The following XPR1 variants were observed in gnomAD, a reference collection of about 807,000 sequenced individuals.
XPR1 encodes the protein solute carrier family 53 member 1.
A neutral mutation model predicts 87.5 loss-of-function variants in XPR1; 28 were observed. That is an observed-to-expected ratio of 0.32 (90% CI 0.24 to 0.44). The LOEUF (loss-of-function observed/expected upper bound fraction) is 0.44, where lower values mean the gene tolerates loss of function less well. XPR1 is among the 20% of genes least tolerant of loss of function. The probability of loss-of-function intolerance (pLI) is 1.00; values close to 1 mark genes in which losing one functional copy is unlikely to be tolerated. For synonymous variants in XPR1, 300 were observed against 306.1 expected (o/e 0.98, Z 0.21); for missense variants, 559 against 862.3 (o/e 0.65, Z 4.41).
At chr1:180,757,273 G>T (rs1273216002) in intron 2 of XPR1, among the ~76,000 whole-genome samples, 1 of 152,066 alleles carries the variant, frequency 6.6e-6, no homozygotes, top group Non-Finnish European at 1.5e-5. Flanking sequence ...TTTGGAAATG[G>T]GTATTTGGAA....
At chr1:180,745,952 A>G (rs1659074213) in intron 2 of XPR1, among the ~76,000 whole-genome samples, 1 of 152,156 alleles carries the variant, frequency 6.6e-6, no homozygotes, top group African/African-American at 2.4e-5. Context: ...TTTAGCTTAG[A>G]ACAACACAAA....
intron 2 of XPR1, among the ~76,000 whole-genome samples, chr1:180,717,322 A>G: frequency 6.6e-6 from 1 of 152,152 alleles, no homozygotes; most frequent in East Asian, 1.9e-4. Flanking sequence ...AGTTCTCTTA[A>G]TTGAATAGGA....
At chr1:180,671,991 TAAG>T (rs1656197505) in intron 1 of XPR1, among the ~76,000 whole-genome samples, 1 of 152,144 alleles carries the variant, frequency 6.6e-6, no homozygotes. Context: ...AATAAAGCCT[TAAG>T]AAGAAAATGA....
intron 1 of XPR1, 57 bp from the exon 2 acceptor site, chr1:180,682,303 C>T: frequency 7.3e-7 from 1 of 1,367,540 alleles, no homozygotes; most frequent in East Asian, 2.5e-5. Context: ...GCTTCAGATA[C>T]ATTCAGTATA....
chr1:180,771,138 T>C (rs1350978610), intron 2 of XPR1, among the ~76,000 whole-genome samples: 1 of 152,194 alleles, frequency 6.6e-6, no homozygotes, highest in Non-Finnish European at 1.5e-5. Flanking sequence ...GCATGGTGCC[T>C]GGCATATAGT....
intron 11 of XPR1, among the ~76,000 whole-genome samples, chr1:180,858,073 G>A (rs754463165): frequency 2.0e-5 from 3 of 151,998 alleles, no homozygotes; most frequent in Admixed American, 1.3e-4. Flanking sequence ...AAAATTAGCC[G>A]GGCGTGGTGG....
intron 10 of XPR1, among the ~76,000 whole-genome samples, chr1:180,835,794 G>A (rs1651265115): frequency 6.6e-6 from 1 of 152,082 alleles, no homozygotes; most frequent in African/African-American, 2.4e-5. Flanking sequence ...TGTGCTCTTG[G>A]GTGTCTTGTG....
intron 1 of XPR1, among the ~76,000 whole-genome samples, chr1:180,671,776 G>A (rs555204967): frequency 2.0e-5 from 3 of 152,262 alleles, no homozygotes; most frequent in South Asian, 2.1e-4. Context: ...GCCTCCCAAA[G>A]TGCTGGGATT....
intron 1 of XPR1, among the ~76,000 whole-genome samples, chr1:180,650,077 T>C (rs922007261): frequency 5.3e-5 from 8 of 152,300 alleles, no homozygotes; most frequent in African/African-American, 1.7e-4. Flanking sequence ...TTAAAACCTC[T>C]TATCTGCTGC....
chr1:180,796,285 T>G (rs1298845655), intron 3 of XPR1, among the ~76,000 whole-genome samples: 3 of 152,308 alleles, frequency 2.0e-5, no homozygotes, highest in African/African-American at 7.2e-5. Flanking sequence ...GGATACTTGG[T>G]GTCAAAAGCA....
intron 2 of XPR1, among the ~76,000 whole-genome samples, chr1:180,784,072 G>A (rs555522382): frequency 1.9e-4 from 29 of 151,858 alleles, no homozygotes; most frequent in African/African-American, 7.0e-4. Context: ...AACAAATGGT[G>A]AATGAATATC....
intron 1 of XPR1, among the ~76,000 whole-genome samples, chr1:180,660,145 T>C (rs938346731): frequency 6.6e-6 from 1 of 152,170 alleles, no homozygotes; most frequent in Admixed American, 6.5e-5. Context: ...TTTTCCATCT[T>C]ACTGGCATAT....
intron 13 of XPR1, among the ~76,000 whole-genome samples, chr1:180,876,347 CA>C (rs1192069106): frequency 6.6e-6 from 1 of 152,102 alleles, no homozygotes; most frequent in Non-Finnish European, 1.5e-5. Flanking sequence ...ATTCAAAAAT[CA>C]ATCAGGGCCA....
chr1:180,661,358 ATAAG>A lies in XPR1; in HGVS notation c.70-20997_70-20994del, dbSNP rs1163139784. On this transcript the variant is annotated intron_variant, in intron 1 of 14. Coordinates refer to ENST00000367590, the MANE Select transcript of XPR1 (RefSeq NM_004736.4). Reference sequence around the variant, plus strand: ...CCATTTATGTTCAGTATTATTACTGATAAGTAAGGACTTTTGCCATTTCGTTATT... The same window carrying A: ...CCATTTATGTTCAGTATTATTACTGATAAGGACTTTTGCCATTTCGTTATT... Among the ~76,000 whole-genome samples the A allele has an allele frequency of 2.6e-5, 4 of 152,086 alleles. No individual in the cohort carries two copies. In the East Asian group the frequency reaches 7.7e-4, roughly 29 times the overall value.
At chr1:180,875,391 C>A (rs1163073158) in intron 13 of XPR1, among the ~76,000 whole-genome samples, 1 of 151,736 alleles carries the variant, frequency 6.6e-6, no homozygotes, top group Non-Finnish European at 1.5e-5. Context: ...CGCCTGTAGT[C>A]CCAGGTACTC....
intron 2 of XPR1, among the ~76,000 whole-genome samples, chr1:180,786,695 A>G (rs1277544559): frequency 6.6e-6 from 1 of 152,168 alleles, no homozygotes; most frequent in Admixed American, 6.5e-5. Context: ...AAATATCTGG[A>G]TTTATAGCTT....
At chr1:180,682,333 T>C in intron 1 of XPR1, 27 bp from the exon 2 acceptor site, 1 of 1,556,716 alleles carries the variant, frequency 6.4e-7, no homozygotes, top group East Asian at 2.4e-5. Flanking sequence ...CATGATTTCA[T>C]ATATTGTTTT....
At chr1:180,732,586 A>G (rs6671456) in intron 2 of XPR1, among the ~76,000 whole-genome samples, 6,543 of 152,216 alleles carry the variant, frequency 0.043, 503 homozygotes, top group African/African-American at 0.15. Flanking sequence ...GGAGTGGCTC[A>G]CTTCTTCAGT....
chr1:180,736,158 A>G (rs746273259), intron 2 of XPR1, among the ~76,000 whole-genome samples: 8 of 152,230 alleles, frequency 5.3e-5, no homozygotes, highest in South Asian at 2.1e-4. Context: ...GCCTTACGAC[A>G]TTAATGTTTT....
Sources: allele counts gnomAD v4.1 joint callset (sites outside exome capture counted in the v4.1 genomes callset), GRCh38; gene constraint gnomAD v4.1.1; transcripts MANE v1.5; gene names NCBI Gene and HGNC (gene_info 2026-07-23, HGNC 2026-07-21).